ANAPC7: variants seen among roughly 807,000 people sequenced by gnomAD.
The protein encoded by ANAPC7 is anaphase-promoting complex subunit 7.
Under a neutral mutation model 63.3 loss-of-function variants are expected in ANAPC7, and 25 were observed. The ratio of observed to expected loss-of-function variants is 0.39; its 90% CI spans 0.29 to 0.55. ANAPC7 has a LOEUF of 0.55. ANAPC7 is among the 20% of genes least tolerant of loss of function. The pLI, the probability that ANAPC7 is intolerant of heterozygous loss-of-function variation, is 0.57. For synonymous variants in ANAPC7, 241 were observed against 251.7 expected, an observed-to-expected ratio of 0.96 and a Z score of 0.40; for missense variants, 516 against 691.7, an observed-to-expected ratio of 0.75 and a Z score of 2.85.
chr12:110,378,410 A>T (rs992276351), intron 8 of ANAPC7: 1 of 152,174 alleles, frequency 6.6e-6, no homozygotes, highest in African/African-American at 2.4e-5. Context: ...CTAGAGTCTT[A>T]AAGTGAATTT....
chr12:110,375,971 C>G (rs1256478227), intron 10 of ANAPC7, 95 bp downstream of exon 10: 5 of 1,430,870 alleles, frequency 3.5e-6, no homozygotes, highest in Non-Finnish European at 3.7e-6. Context: ...ACCATGGACA[C>G]AAAGTGTGTG....
At chr12:110,397,238 G>A (rs1345172139) in intron 1 of ANAPC7, among the ~76,000 whole-genome samples, 1 of 149,400 alleles carries the variant, frequency 6.7e-6, no homozygotes, top group African/African-American at 2.5e-5. Flanking sequence ...AAAGAAGTTT[G>A]AAAAAACCTG....
At position 110,382,971 on chromosome 12, in the gene ANAPC7, A is replaced by C. The variant is rs1366911025; in HGVS notation, c.818-11T>G. The stretch of plus-strand genomic sequence containing the variant: ...CATATACATCCATTCCTAGAAGAGA[A>C]GGACATAGTGAGAAGAGGTGTTTTA... On this transcript the variant is annotated splice_polypyrimidine_tract_variant and intron_variant, in intron 6 of 10. Coordinates refer to ENST00000455511, the MANE Select transcript of ANAPC7 (RefSeq NM_016238.3). 6.2e-7 allele frequency: 1 copy of C among 1,604,554 alleles called. No homozygotes were observed. Among genetic ancestry groups the C allele is most frequent in the African/African-American group, 1.3e-5 (1 of 74,680 alleles).
rs1029157061 is a variant in ANAPC7 at position 110,373,106 on chromosome 12, C to T, written c.*1038G>A. On this transcript the variant is annotated 3_prime_UTR_variant, in exon 11 of 11. Transcript: ENST00000455511. The stretch of plus-strand genomic sequence containing the variant: ...AATTGTATACTCAGAGCCATCGCAA[C>T]TTAAGGCACAAGGGAGAGGGTGTGG... The T allele has an allele frequency of 6.6e-6, 1 of 152,116 alleles. No homozygotes were observed. Among genetic ancestry groups the T allele is most frequent in the Admixed American group, 6.5e-5 (1 of 15,270 alleles). 9.4% of individuals were successfully genotyped at this position (152,116 alleles called of 1,614,324 possible).
In ANAPC7 at chr12:110,381,745, T is replaced by C. The variant is rs1274641661; in HGVS notation, c.1132+7A>G. The C allele has an allele frequency of 6.2e-7, 1 of 1,612,304 alleles. No homozygotes were observed. Among genetic ancestry groups the C allele is most frequent in the Non-Finnish European group, 8.5e-7 (1 of 1,179,952 alleles). ...TTCACACCATTCACCTATGTTTTCTTTCTTACCTTCATAACAATCTAAGCG... is the reference window on the plus strand; with the variant it reads ...TTCACACCATTCACCTATGTTTTCTCTCTTACCTTCATAACAATCTAAGCG... On this transcript the variant is annotated splice_region_variant and intron_variant, in intron 8 of 10. Coordinates refer to ENST00000455511, the MANE Select transcript of ANAPC7 (RefSeq NM_016238.3).
In ANAPC7 at chr12:110,403,589, C is replaced by T. The variant is rs374270104; in HGVS notation, c.39G>A (p.Ala13=). 157 of 1,608,498 alleles carry T rather than the reference C, an allele frequency of 9.8e-5. No individual in the cohort carries two copies. In the South Asian group the frequency reaches 1.5e-3, roughly 15 times the overall value. Residue 13 remains alanine (A), a synonymous_variant, in exon 1 of 11, where the codon GCG becomes GCA. Coordinates refer to ENST00000455511, the MANE Select transcript of ANAPC7 (RefSeq NM_016238.3). ...GGAGCCGCACGTTGGAGTGCAGCCCCGCGGCCGCCATGTCCCGCACGTGGT... is the reference window on the plus strand; with the variant it reads ...GGAGCCGCACGTTGGAGTGCAGCCCTGCGGCCGCCATGTCCCGCACGTGGT... ...VIDHVRDMAA[A]GLHSNVRLLS...
At chr12:110,386,047 T>G (rs1882420838) in intron 6 of ANAPC7, among the ~76,000 whole-genome samples, 1 of 152,114 alleles carries the variant, frequency 6.6e-6, no homozygotes. Flanking sequence ...CATAAATTTA[T>G]AAGTCATAAG....
At chr12:110,386,738 G>T in intron 5 of ANAPC7, 1 of 302,136 alleles carries the variant, frequency 3.3e-6, no homozygotes. Flanking sequence ...TGGTGTTAAA[G>T]GTAATGTCAT....
chr12:110,375,415 C>G lies in ANAPC7; in HGVS notation c.1508+651G>C. ...GAATGTGATCAGACTCTATTAAAGA[C>G]AGCCCTTCACCATAACCTTACAGAC... is the stretch of plus-strand genomic sequence containing the variant. On this transcript the variant is annotated intron_variant, in intron 10 of 10. Transcript: ENST00000455511. 3.0e-6 allele frequency: 3 copies of G among 985,300 alleles called. No individual in the cohort carries two copies. The African/African-American group carries it at 5.2e-5, about 17-fold the overall frequency. The allele number at this position is 985,300 out of a possible 1,614,324, so 61.0% of individuals were successfully genotyped here. A position where few individuals can be genotyped will look rare whatever the true frequency, so the allele number is the denominator to read the frequency against.
intron 3 of ANAPC7, among the ~76,000 whole-genome samples, chr12:110,389,984 A>T (rs112470258): frequency 0.014 from 2,199 of 152,230 alleles, 49 homozygotes; most frequent in African/African-American, 0.05. Flanking sequence ...GAAAATCTAA[A>T]AGTTCCTAAG....
At chr12:110,382,814 T>C (rs1299566152) in intron 7 of ANAPC7, 29 bp downstream of exon 7, 5 of 1,539,354 alleles carry the variant, frequency 3.2e-6, no homozygotes, top group Non-Finnish European at 3.6e-6. Flanking sequence ...TACTGACAAC[T>C]GGGGAGAAAA....
chr12:110,403,641 G>T lies in ANAPC7; in HGVS notation c.-14C>A. On this transcript the variant is annotated 5_prime_UTR_variant, in exon 1 of 11. Coordinates refer to ENST00000455511, the MANE Select transcript of ANAPC7 (RefSeq NM_016238.3). ...TATCACATTCATCCTGCTCTGCAAA[G>T]CCGCGGGCAGCGGCGGCAGCACTGA... 1.3e-6 allele frequency: 2 copies of T among 1,585,680 alleles called. No individual in the cohort carries two copies. The highest frequency in any genetic ancestry group is 1.7e-6 in the Non-Finnish European group (2 of 1,165,684).
chr12:110,376,825 G>C (rs1334020673), intron 9 of ANAPC7, among the ~76,000 whole-genome samples: 1 of 151,540 alleles, frequency 6.6e-6, no homozygotes, highest in Non-Finnish European at 1.5e-5. Flanking sequence ...ACTCAAACCA[G>C]ATAACAGTGA....
rs546965741 is a variant in ANAPC7 at position 110,382,087 on chromosome 12, T to G, written c.936-139A>C. The G allele has an allele frequency of 3.2e-5, 27 of 846,108 alleles. No homozygotes were observed. The African/African-American group carries it at 4.7e-4, about 15-fold the overall frequency. The allele number at this position is 846,108 out of a possible 1,614,324, so 52.4% of individuals were successfully genotyped here. A position where few individuals can be genotyped will look rare whatever the true frequency, so the allele number is the denominator to read the frequency against. On this transcript the variant is annotated intron_variant, in intron 7 of 10. Transcript: ENST00000455511. The stretch of plus-strand genomic sequence containing the variant: ...CCAAACCACACTTATAGTTTTAACC[T>G]AAGATATTAGTAGAAAAGCAAAACA...
chr12:110,374,354 G>C (rs778617063), intron 10 of ANAPC7, 21 bp from the exon 11 acceptor site: 1 of 1,609,954 alleles, frequency 6.2e-7, no homozygotes. Context: ...ACAAAACAAA[G>C]GAGAGGCCTG....
chr12:110,387,261 G>GAGAGAGAGAC (rs1882574011), intron 5 of ANAPC7: 1 of 111,744 alleles, frequency 8.9e-6, no homozygotes. Context: ...GAGACAGAGA[G>GAGAGAGAGAC]AGAGAGAGAG....
rs779016457 is a variant in ANAPC7 at position 110,392,873 on chromosome 12, G to A, written c.408+2228C>T. ...TGCAATGGCACCACGTCGGCTCACC[G>A]CAACCTCTGCCTCCTGGGTTCAAGC... is the stretch of plus-strand genomic sequence containing the variant. On this transcript the variant is annotated intron_variant, in intron 3 of 10. Coordinates refer to ENST00000455511, the MANE Select transcript of ANAPC7 (RefSeq NM_016238.3). 1.9e-4 allele frequency among the ~76,000 whole-genome samples: 29 copies of A among 152,140 alleles called. No individual in the cohort carries two copies. In the Middle Eastern group the frequency reaches 0.01, roughly 54 times the overall value.
chr12:110,402,904 T>G (rs1300401104), intron 1 of ANAPC7, among the ~76,000 whole-genome samples: 3 of 151,988 alleles, frequency 2.0e-5, no homozygotes, highest in African/African-American at 7.2e-5. Flanking sequence ...CCCGGCTAAT[T>G]GTTTAATTTT....
chr12:110,377,556 G>A lies in ANAPC7; in HGVS notation c.1194C>T (p.Asn398=), dbSNP rs376652055. Residue 398 remains asparagine, a synonymous_variant, in exon 9 of 11, where the codon AAC becomes AAT. Coordinates refer to ENST00000455511, the MANE Select transcript of ANAPC7 (RefSeq NM_016238.3). ...CATTTGCTCCCAGAGTTTTGTAAAC[G>A]TTGTTAGCCATTACCATTGCTTCTC... is the stretch of plus-strand genomic sequence containing the variant. ...SIREAMVMAN[N]VYKTLGANAQ... 14 of 1,614,018 alleles carry A rather than the reference G, an allele frequency of 8.7e-6. No homozygotes were observed. Among genetic ancestry groups the A allele is most frequent in the Admixed American group, 3.3e-5 (2 of 59,994 alleles).
Sources: gnomAD v4.1 joint callset for allele counts (sites outside exome capture counted in the v4.1 genomes callset) on GRCh38, gnomAD v4.1.1 for gene constraint, MANE v1.5 for transcripts, NCBI Gene and HGNC (gene_info 2026-07-23, HGNC 2026-07-21) for gene names.